OGDHL: variants seen among roughly 807,000 people sequenced by gnomAD.
The protein encoded by OGDHL is oxoglutarate dehydrogenase L.
OGDHL carries 79 observed loss-of-function variants against 109.6 expected under a neutral mutation model. The observed-to-expected ratio is 0.72, with a 90% confidence interval of 0.60 to 0.87. OGDHL has a LOEUF of 0.87. Ranked by LOEUF, OGDHL falls within the 40% of genes least tolerant of loss-of-function variation. The probability of loss-of-function intolerance (pLI) is 0.00; values close to 1 mark genes in which losing one functional copy is unlikely to be tolerated. For missense variants in OGDHL, 1,275 were observed against 1,362.2 expected (o/e 0.94, Z 1.01); for synonymous variants, 528 against 537.2 (o/e 0.98, Z 0.24).
intron 1 of OGDHL, among the ~76,000 whole-genome samples, chr10:49,760,749 T>C (rs717721): frequency 2.6e-5 from 4 of 152,092 alleles, no homozygotes; most frequent in African/African-American, 9.7e-5. Context: ...AGCTGGCTAA[T>C]CTGGTGAGTG....
chr10:49,742,896 A>C lies in OGDHL; in HGVS notation c.1944T>G (p.Phe648Leu). Residue 648 changes from phenylalanine to leucine, a missense_variant, in exon 15 of 23, where the codon TTT becomes TTG. Transcript: ENST00000374103. ...VDWALAEYMA[F>L]GSLLKEGIHV... Reference sequence around the variant, plus strand: ...GGATGCCTTCCTTCAGCAGGGAGCCAAAGGCCATGTACTCTGCCAACGCCC... The same window carrying C: ...GGATGCCTTCCTTCAGCAGGGAGCCCAAGGCCATGTACTCTGCCAACGCCC... The C allele has an allele frequency of 1.9e-6, 3 of 1,614,048 alleles. No homozygotes were observed. The highest frequency in any genetic ancestry group is 2.5e-6 in the Non-Finnish European group (3 of 1,179,988).
chr10:49,752,029 C>T (rs752152707), intron 5 of OGDHL, 48 bp from the exon 6 acceptor site: 1 of 1,612,276 alleles, frequency 6.2e-7, no homozygotes. Context: ...AGAGGGACGG[C>T]TGACATCCCT....
chr10:49,749,000 G>A (rs1842402079), intron 8 of OGDHL, among the ~76,000 whole-genome samples: 2 of 152,332 alleles, frequency 1.3e-5, no homozygotes, highest in South Asian at 4.1e-4. Flanking sequence ...CCTGAGGCCA[G>A]GAGTTCAAGA....
At chr10:49,740,941 C>T (rs3750757) in intron 15 of OGDHL, 104 bp from the exon 16 acceptor site, 281,900 of 1,450,432 alleles carry the variant, frequency 0.19, 29,604 homozygotes, top group African/African-American at 0.36. Context: ...GCCTCCGTCA[C>T]TGTCCCAGGA....
At chr10:49,758,363 G>C (rs773122903) in intron 2 of OGDHL, 26 bp downstream of exon 2, 2 of 1,588,486 alleles carry the variant, frequency 1.3e-6, no homozygotes, top group Admixed American at 3.4e-5. Context: ...CCTTGCGGTG[G>C]CCCAGGGTAG....
chr10:49,741,963 T>C (rs1247309815), intron 15 of OGDHL, among the ~76,000 whole-genome samples: 12 of 85,648 alleles, frequency 1.4e-4, no homozygotes, highest in East Asian at 9.8e-4. Flanking sequence ...CCACACACAC[T>C]ACATACACTA....
rs763753769 is a variant in OGDHL, at chr10:49,746,795, G to A, written c.1251C>T (p.Pro417=). ...VYETFHLSDL[P]SYTTNGTVHV... ...GCACGGTACCATTGGTCGTGTAGGA[G>A]GGCAGGTCGCTCAGGTGGAAGGTCT... Residue 417 remains proline, a synonymous_variant, in exon 10 of 23, where the codon CCC becomes CCT. Transcript: ENST00000374103. 2.5e-5 allele frequency: 40 copies of A among 1,614,002 alleles called. No homozygotes were observed. Among genetic ancestry groups the A allele is most frequent in the Non-Finnish European group, 3.1e-5 (37 of 1,180,032 alleles).
rs373974919 is a variant in OGDHL at position 49,742,933 on chromosome 10, C to A, written c.1907G>T (p.Arg636Leu). 1 of 1,613,984 alleles carries A rather than the reference C, an allele frequency of 6.2e-7. No individual in the cohort carries two copies. The highest frequency in any genetic ancestry group is 1.1e-5 in the South Asian group (1 of 91,086). ...LRGRADMTKN[R>L]TVDWALAEYM... is the part of the protein sequence containing the mutation. Reference sequence around the variant, plus strand: ...CTCTGCCAACGCCCAGTCCACCGTCCGGTTCTTGGTCATGTCCGCACGGCC... The same window carrying A: ...CTCTGCCAACGCCCAGTCCACCGTCAGGTTCTTGGTCATGTCCGCACGGCC... The change falls in exon 15 of 23, where the codon CGG (arginine) becomes CTG (leucine). Residue 636 changes from arginine to leucine, a missense_variant. Physicochemically the swap from Arg to Leu is moderately radical, Grantham distance 102. Coordinates refer to ENST00000374103, the MANE Select transcript of OGDHL (RefSeq NM_018245.3).
intron 15 of OGDHL, among the ~76,000 whole-genome samples, chr10:49,741,991 ACACCCCACAAATACCACACCACACATG>A (rs1841719323): frequency 9.1e-6 from 1 of 109,662 alleles, no homozygotes; most frequent in Non-Finnish European, 2.0e-5. Context: ...ACAACCACAC[ACACCCCACAAATACCACACCACACATG>A]CACCAAACAT....
chr10:49,748,165 TCACA>T (rs1842329459), intron 8 of OGDHL, among the ~76,000 whole-genome samples: 1 of 151,710 alleles, frequency 6.6e-6, no homozygotes, highest in South Asian at 2.1e-4. Context: ...ATAAACTCGC[TCACA>T]CATGTGCAAG....
At position 49,744,795 on chromosome 10, in the gene OGDHL, C is replaced by T. The variant is rs751912307; in HGVS notation, c.1630-43G>A. The T allele has an allele frequency of 3.2e-5, 48 of 1,495,898 alleles. 1 individual carries two copies. In the South Asian group the frequency reaches 4.1e-4, roughly 13 times the overall value. 92.7% of individuals were successfully genotyped at this position (1,495,898 alleles called of 1,614,324 possible). A position where few individuals can be genotyped will look rare whatever the true frequency, so the allele number is the denominator to read the frequency against. ...ATGTGGACAGAGCACCAAAGCCCTG[C>T]GCAGCCAGACGCCCAGTCCACTTGG... On this transcript the variant is annotated intron_variant, in intron 12 of 22. Transcript: ENST00000374103.
rs1220961436 is a variant in OGDHL, at chr10:49,744,672, G to C, written c.1710C>G (p.His570Gln). The C allele has an allele frequency of 6.2e-7, 1 of 1,614,150 alleles. No individual in the cohort carries two copies. Residue 570 changes from histidine (H) to glutamine (Q), a missense_variant, in exon 13 of 23, where the codon CAC (histidine) becomes CAG (glutamine). Coordinates refer to ENST00000374103, the MANE Select transcript of OGDHL (RefSeq NM_018245.3). ...CACCAGGCCAGGGGGAGTCCAACCA[G>C]TGCTTTATATGCAGAATCTTTTTAT... ...SKDKKILHIK[H>Q]WLDSPWPGFF... is the part of the protein sequence containing the mutation.
intron 3 of OGDHL, 82 bp from the exon 4 acceptor site, chr10:49,752,822 C>A: frequency 1.0e-6 from 1 of 957,258 alleles, no homozygotes; most frequent in Non-Finnish European, 1.6e-6. Context: ...GGCCCCAGCC[C>A]CTCTCTTCCC....
At chr10:49,737,724 A>T (rs949266969) in intron 20 of OGDHL, 62 bp downstream of exon 20, 1 of 1,574,982 alleles carries the variant, frequency 6.3e-7, no homozygotes, top group Admixed American at 1.7e-5. Context: ...CAGAAGCAGA[A>T]GCCACACAAT....
chr10:49,738,503 A>C (rs1262703188), intron 17 of OGDHL: 4 of 561,318 alleles, frequency 7.1e-6, no homozygotes, highest in Non-Finnish European at 1.3e-5. Flanking sequence ...AAGAAAAAGC[A>C]AAAAGCCCGC....
Position 49,750,840 on chromosome 10 carries a change from T to C in OGDHL, c.895A>G (p.Arg299Gly), listed in dbSNP as rs924975413. The C allele has an allele frequency of 6.8e-6, 11 of 1,609,156 alleles. 1 individual carries two copies. The South Asian group carries it at 1.1e-4, about 16-fold the overall frequency. ...GGCACAGCAGGGAGGGGGACCCACC[T>C]GTGTGGCATCCCCAAGATGACATTC... ...IENVILGMPHRGRLNVLANVI... is the reference protein window; with the variant it reads ...IENVILGMPHGGRLNVLANVI... Residue 299 changes from arginine to glycine, a missense_variant and splice_region_variant, in exon 7 of 23, where the codon AGG (arginine) becomes GGG (glycine). Arg to Gly is a moderately radical substitution (Grantham distance 125, BLOSUM62 -2). Coordinates refer to ENST00000374103, the MANE Select transcript of OGDHL (RefSeq NM_018245.3).
intron 14 of OGDHL, among the ~76,000 whole-genome samples, chr10:49,743,272 G>A (rs574385272): frequency 3.3e-5 from 5 of 152,220 alleles, no homozygotes; most frequent in African/African-American, 9.6e-5. Flanking sequence ...CAAGGTACAC[G>A]GATTTGACTC....
intron 8 of OGDHL, 103 bp downstream of exon 8, chr10:49,749,623 T>G: frequency 1.0e-6 from 1 of 994,992 alleles, no homozygotes; most frequent in South Asian, 1.6e-5. Context: ...GCATCCATCT[T>G]AAGGTTTATC....
Position 49,750,861 on chromosome 10 carries a change from C to T in OGDHL, c.874G>A (p.Val292Ile). The T allele has an allele frequency of 6.2e-7, 1 of 1,611,656 alleles. No individual in the cohort carries two copies. Among genetic ancestry groups the T allele is most frequent in the South Asian group, 1.1e-5 (1 of 90,330 alleles). The stretch of plus-strand genomic sequence containing the variant: ...CACCTGTGTGGCATCCCCAAGATGA[C>T]ATTCTCAATCCCCATCTCGCTGGAT... ...DKSSEMGIEN[V>I]ILGMPHRGRL... The change falls in exon 7 of 23, where the codon GTC becomes ATC. Residue 292 changes from valine to isoleucine, a missense_variant. Physicochemically the swap from Val to Ile is conservative, Grantham distance 29. Transcript: ENST00000374103.
Sources: allele counts gnomAD v4.1 joint callset (sites outside exome capture counted in the v4.1 genomes callset), GRCh38; gene constraint gnomAD v4.1.1; transcripts MANE v1.5; gene names NCBI Gene and HGNC (gene_info 2026-07-23, HGNC 2026-07-21).